Variants in ALKAL1 observed in about 807,000 individuals in gnomAD.
The protein encoded by ALKAL1 is AUG-beta.
ALKAL1 carries 23 observed loss-of-function variants against 13.5 expected under a neutral mutation model. The ratio of observed to expected loss-of-function variants is 1.70; its 90% confidence interval spans 1.23 to 2.41. The LOEUF (loss-of-function observed/expected upper bound fraction) is 2.41, where lower values mean the gene tolerates loss of function less well. ALKAL1 is among the 30% of genes most tolerant of loss of function. The probability of loss-of-function intolerance (pLI) is 0.00; values close to 1 mark genes in which losing one functional copy is unlikely to be tolerated. For missense variants in ALKAL1, 181 were observed against 178.4 expected, an observed-to-expected ratio of 1.01 and a Z score of -0.08; for synonymous variants, 85 against 77.7, an observed-to-expected ratio of 1.09 and a Z score of -0.49.
intron 1 of ALKAL1, among the ~76,000 whole-genome samples, chr8:52,548,086 T>C (rs1847390492): frequency 6.6e-6 from 1 of 152,158 alleles, no homozygotes; most frequent in Admixed American, 6.5e-5. Flanking sequence ...CAGTGGCTTA[T>C]GCCTGTAATC....
At chr8:52,562,162 A>G (rs1243975316) in intron 1 of ALKAL1, among the ~76,000 whole-genome samples, 2 of 152,136 alleles carry the variant, frequency 1.3e-5, no homozygotes, top group Non-Finnish European at 2.9e-5. Flanking sequence ...GGAATGAGAG[A>G]GCAGGAGCGA....
At position 52,565,172 on chromosome 8, in the gene ALKAL1, G is replaced by T; in HGVS notation, c.85C>A (p.Pro29Thr). Residue 29 changes from proline (P) to threonine (T), a missense_variant, in exon 1 of 5, where the codon CCC becomes ACC. Transcript: ENST00000358543. Reference sequence around the variant, plus strand: ...ACGCGCGCTCCCCTGCGCCCCCGGGGCCTCCCGTGGGCTCCGTGCGGGGAC... The same window carrying T: ...ACGCGCGCTCCCCTGCGCCCCCGGGTCCTCCCGTGGGCTCCGTGCGGGGAC... ...ALSPHGAHGR[P>T]RGRRGARVTD... The T allele has an allele frequency of 1.4e-6, 2 of 1,388,690 alleles. No individual in the cohort carries two copies. Among genetic ancestry groups the T allele is most frequent in the Non-Finnish European group, 1.9e-6 (2 of 1,063,042 alleles). 86.0% of individuals were successfully genotyped at this position (1,388,690 alleles called of 1,614,324 possible).
chr8:52,538,125 C>A (rs906561528), intron 4 of ALKAL1, among the ~76,000 whole-genome samples: 1 of 149,572 alleles, frequency 6.7e-6, no homozygotes, highest in Non-Finnish European at 1.5e-5. Context: ...AGTGGGGAGG[C>A]GCAGCTTGGT....
At chr8:52,552,839 T>C (rs1381585266) in intron 1 of ALKAL1, among the ~76,000 whole-genome samples, 2 of 152,254 alleles carry the variant, frequency 1.3e-5, no homozygotes, top group African/African-American at 4.8e-5. Flanking sequence ...GTCCTAGTCT[T>C]GGTTTTAGGG....
intron 1 of ALKAL1, among the ~76,000 whole-genome samples, chr8:52,547,446 G>C (rs1251568805): frequency 6.6e-6 from 1 of 152,146 alleles, no homozygotes; most frequent in African/African-American, 2.4e-5. Flanking sequence ...GTTGTAGTGA[G>C]CCAAGATCGC....
chr8:52,544,905 AT>A (rs1847354834), intron 1 of ALKAL1, among the ~76,000 whole-genome samples: 1 of 152,212 alleles, frequency 6.6e-6, no homozygotes, highest in East Asian at 1.9e-4. Flanking sequence ...CCATTCAAAC[AT>A]TTTTTAATAA....
chr8:52,539,766 G>A (rs988038562), intron 3 of ALKAL1, 65 bp downstream of exon 3: 27 of 1,225,304 alleles, frequency 2.2e-5, no homozygotes, highest in Non-Finnish European at 3.2e-5. Flanking sequence ...GACATTTGAA[G>A]TTTAAAATTA....
chr8:52,539,809 A>AC (rs1847295284), intron 3 of ALKAL1, 22 bp downstream of exon 3: 2 of 1,565,598 alleles, frequency 1.3e-6, no homozygotes, highest in Admixed American at 2.0e-5. Context: ...TAAAAAAAAA[A>AC]AAACCCACCC....
At chr8:52,539,715 A>G (rs1256336957) in intron 3 of ALKAL1, 116 bp downstream of exon 3, 1 of 742,438 alleles carries the variant, frequency 1.3e-6, no homozygotes, top group Non-Finnish European at 2.2e-6. Flanking sequence ...TCAGTGTTAT[A>G]AATAGAATCT....
At chr8:52,545,118 G>A (rs557157966) in intron 1 of ALKAL1, among the ~76,000 whole-genome samples, 2 of 152,020 alleles carry the variant, frequency 1.3e-5, no homozygotes, top group Non-Finnish European at 2.9e-5. Context: ...TTATGCCTAA[G>A]TATTGTGAAA....
chr8:52,548,483 G>A (rs192710476), intron 1 of ALKAL1, among the ~76,000 whole-genome samples: 31 of 152,236 alleles, frequency 2.0e-4, no homozygotes, highest in Admixed American at 1.4e-3. Flanking sequence ...ACAATTTCAA[G>A]TAGCTAGAAG....
intron 2 of ALKAL1, 50 bp downstream of exon 2, chr8:52,542,342 C>T: frequency 8.2e-7 from 1 of 1,224,084 alleles, no homozygotes; most frequent in Non-Finnish European, 1.2e-6. Flanking sequence ...GTATTCTGCA[C>T]ACAGTCTTTT....
chr8:52,557,085 T>C (rs1271614032), intron 1 of ALKAL1, among the ~76,000 whole-genome samples: 5 of 152,266 alleles, frequency 3.3e-5, no homozygotes, highest in Admixed American at 3.3e-4. Flanking sequence ...GTGTAACTTG[T>C]TGTTTTTCCT....
At chr8:52,556,762 T>A (rs1847488587) in intron 1 of ALKAL1, among the ~76,000 whole-genome samples, 2 of 152,016 alleles carry the variant, frequency 1.3e-5, no homozygotes, top group African/African-American at 4.8e-5. Context: ...ATAAGCAAGT[T>A]TATTGCTCAT....
At chr8:52,546,360 C>A (rs952049053) in intron 1 of ALKAL1, among the ~76,000 whole-genome samples, 2 of 152,184 alleles carry the variant, frequency 1.3e-5, no homozygotes, top group South Asian at 2.1e-4. Flanking sequence ...TACTATGGCT[C>A]ACTGTAGAAA....
At chr8:52,550,871 T>A (rs780681519) in intron 1 of ALKAL1, among the ~76,000 whole-genome samples, 10 of 152,076 alleles carry the variant, frequency 6.6e-5, no homozygotes, top group Non-Finnish European at 1.3e-4. Flanking sequence ...TATGACCTCA[T>A]CATAACTAAT....
chr8:52,561,287 G>C (rs1847548399), intron 1 of ALKAL1, among the ~76,000 whole-genome samples: 2 of 152,010 alleles, frequency 1.3e-5, no homozygotes, highest in Non-Finnish European at 2.9e-5. Context: ...AGTATGTCTA[G>C]TTTTTTTTAA....
chr8:52,551,463 A>AT (rs531619339), intron 1 of ALKAL1, among the ~76,000 whole-genome samples: 1,677 of 130,354 alleles, frequency 0.013, 14 homozygotes, highest in Middle Eastern at 0.02. Context: ...CGGCTAATTC[A>AT]TTTTTTTTTT....
intron 1 of ALKAL1, among the ~76,000 whole-genome samples, chr8:52,552,902 G>T (rs566026248): frequency 6.6e-6 from 1 of 152,332 alleles, no homozygotes; most frequent in African/African-American, 2.4e-5. Context: ...TAGAAACCAA[G>T]ATCAGGGCAT....
Sources: gnomAD v4.1 joint callset for allele counts (sites outside exome capture counted in the v4.1 genomes callset) on GRCh38, gnomAD v4.1.1 for gene constraint, MANE v1.5 for transcripts, NCBI Gene and HGNC (gene_info 2026-07-23, HGNC 2026-07-21) for gene names.